PALM2AKAP2: variants seen among roughly 807,000 people sequenced by gnomAD.
The protein encoded by PALM2AKAP2 is PALM2 and AKAP2 fusion.
In PALM2AKAP2, 37 loss-of-function variants were observed where a neutral mutation model predicts 71.5. The observed-to-expected ratio is 0.52, with a 90% CI of 0.40 to 0.68. PALM2AKAP2 has a LOEUF of 0.68. Ranked by LOEUF, PALM2AKAP2 falls within the 30% of genes least tolerant of loss-of-function variation. PALM2AKAP2 has a pLI of 0.00. For missense variants in PALM2AKAP2, 1,224 were observed against 1,191.8 expected, an observed-to-expected ratio of 1.03 and a Z score of -0.40; for synonymous variants, 468 against 478.8, an observed-to-expected ratio of 0.98 and a Z score of 0.29.
At chr9:110,087,603 C>A (rs1834603314) in intron 1 of PALM2AKAP2, among the ~76,000 whole-genome samples, 1 of 152,200 alleles carries the variant, frequency 6.6e-6, no homozygotes, top group Non-Finnish European at 1.5e-5. Flanking sequence ...AACATGGTTC[C>A]ATGGGGCAGA....
At chr9:109,794,783 T>C (rs755715324) in intron 1 of PALM2AKAP2, among the ~76,000 whole-genome samples, 9 of 152,226 alleles carry the variant, frequency 5.9e-5, no homozygotes, top group Admixed American at 6.5e-5. Flanking sequence ...AAAGGGACTT[T>C]GGTGCCTTAA....
chr9:110,096,549 G>A (rs904553558), intron 1 of PALM2AKAP2, among the ~76,000 whole-genome samples: 15 of 152,080 alleles, frequency 9.9e-5, no homozygotes, highest in Admixed American at 2.6e-4. Flanking sequence ...TGACAGGCAT[G>A]AGCCATCACG....
chr9:109,942,994 C>T (rs146737453), intron 6 of PALM2AKAP2: 16 of 1,614,042 alleles, frequency 9.9e-6, no homozygotes, highest in African/African-American at 1.3e-5. Context: ...GGAACACATG[C>T]TCTGCAAAGA....
intron 6 of PALM2AKAP2, among the ~76,000 whole-genome samples, chr9:109,980,140 G>A (rs1222159710): frequency 6.6e-6 from 1 of 152,080 alleles, no homozygotes; most frequent in Non-Finnish European, 1.5e-5. Flanking sequence ...CACTCTTCTT[G>A]GTTCTCAAGT....
chr9:109,785,749 C>G (rs1826945140), intron 1 of PALM2AKAP2, among the ~76,000 whole-genome samples: 1 of 152,174 alleles, frequency 6.6e-6, no homozygotes, highest in African/African-American at 2.4e-5. Flanking sequence ...GTCCCTCCCA[C>G]AACACGTGGG....
intron 1 of PALM2AKAP2, among the ~76,000 whole-genome samples, chr9:110,102,537 C>T (rs1835023977): frequency 6.6e-6 from 1 of 152,126 alleles, no homozygotes; most frequent in South Asian, 2.1e-4. Context: ...TTAGGCCTGG[C>T]TTTTCTGGGG....
chr9:109,951,855 C>T (rs1232012791), intron 6 of PALM2AKAP2, among the ~76,000 whole-genome samples: 1 of 152,176 alleles, frequency 6.6e-6, no homozygotes, highest in East Asian at 1.9e-4. Flanking sequence ...TCCCTCTAAC[C>T]CCCTTTGCAT....
At chr9:110,012,447 C>A (rs1030342334) in intron 6 of PALM2AKAP2, among the ~76,000 whole-genome samples, 1 of 152,194 alleles carries the variant, frequency 6.6e-6, no homozygotes, top group Non-Finnish European at 1.5e-5. Context: ...GTGGGACCCA[C>A]ATTTTCACAC....
chr9:109,752,693 T>A lies in PALM2AKAP2; in HGVS notation c.6-27795T>A, dbSNP rs539625508. 9.9e-5 allele frequency among the ~76,000 whole-genome samples: 15 copies of A among 152,256 alleles called. No individual in the cohort carries two copies. In the South Asian group the frequency reaches 1.0e-3, roughly 11 times the overall value. Reference sequence around the variant, plus strand: ...AGGTGGTGCTAAGGATTTGGGGCTATTTCCTAAGAACAAGAGGAAAACACT... The same window carrying A: ...AGGTGGTGCTAAGGATTTGGGGCTAATTCCTAAGAACAAGAGGAAAACACT... On this transcript the variant is annotated intron_variant, in intron 1 of 6. Coordinates refer to the PALM2AKAP2 transcript ENST00000374531.
chr9:110,004,737 C>T (rs997109938), intron 6 of PALM2AKAP2, among the ~76,000 whole-genome samples: 3 of 152,096 alleles, frequency 2.0e-5, no homozygotes, highest in Non-Finnish European at 2.9e-5. Flanking sequence ...ACTTTTTATT[C>T]TTTTTTCTCT....
intron 3 of PALM2AKAP2, among the ~76,000 whole-genome samples, chr9:110,159,902 A>G (rs1466305072): frequency 6.6e-6 from 1 of 152,132 alleles, no homozygotes; most frequent in Admixed American, 6.5e-5. Context: ...AACCAGCCAT[A>G]TTTGTTACTA....
chr9:109,640,960 C>A, intron 1 of PALM2AKAP2: 2 of 1,414,662 alleles, frequency 1.4e-6, no homozygotes, highest in Admixed American at 2.8e-5. Flanking sequence ...GGGTCCGCGT[C>A]CAGGATGGGT....
chr9:110,136,666 G>A, exon 2 of PALM2AKAP2: 6 of 1,614,136 alleles, frequency 3.7e-6, no homozygotes, highest in Non-Finnish European at 5.1e-6. Flanking sequence ...GAGATGCGCT[G>A]GGGGACAGCC....
intron 1 of PALM2AKAP2, among the ~76,000 whole-genome samples, chr9:110,082,286 C>T (rs1054865467): frequency 1.3e-5 from 2 of 152,092 alleles, no homozygotes; most frequent in African/African-American, 2.4e-5. Context: ...AAACTCCTGA[C>T]CTCAGGTGAT....
At chr9:109,691,867 T>G (rs376244879) in intron 1 of PALM2AKAP2, among the ~76,000 whole-genome samples, 1 of 51,492 alleles carries the variant, frequency 1.9e-5, no homozygotes, top group African/African-American at 8.1e-5. Context: ...TATATATATA[T>G]ACACACACAC....
intron 3 of PALM2AKAP2, among the ~76,000 whole-genome samples, chr9:109,894,394 C>T (rs138080738): frequency 9.2e-5 from 14 of 152,250 alleles, no homozygotes. Context: ...ATGTCCTGCT[C>T]AAGTCCATAA....
chr9:109,964,903 T>C (rs894816400), intron 6 of PALM2AKAP2, among the ~76,000 whole-genome samples: 2 of 152,158 alleles, frequency 1.3e-5, no homozygotes, highest in Non-Finnish European at 2.9e-5. Flanking sequence ...AGATTCATGC[T>C]GGAAGGGAAG....
intron 3 of PALM2AKAP2, among the ~76,000 whole-genome samples, chr9:110,167,897 AT>A (rs1345855693): frequency 6.6e-6 from 1 of 152,210 alleles, no homozygotes; most frequent in Non-Finnish European, 1.5e-5. Context: ...CACTAGTCAC[AT>A]GGAGCTATTC....
intron 6 of PALM2AKAP2, among the ~76,000 whole-genome samples, chr9:110,001,523 T>A (rs1374866097): frequency 6.6e-6 from 1 of 152,246 alleles, no homozygotes; most frequent in Non-Finnish European, 1.5e-5. Flanking sequence ...ATATGAACTT[T>A]AAAGTAGTTT....
Sources: gnomAD v4.1 joint callset for allele counts (sites outside exome capture counted in the v4.1 genomes callset) on GRCh38, gnomAD v4.1.1 for gene constraint, MANE v1.5 for transcripts, NCBI Gene and HGNC (gene_info 2026-07-23, HGNC 2026-07-21) for gene names.